Variants in SLC35F3 observed in about 807,000 individuals in gnomAD.
The protein encoded by SLC35F3 is solute carrier family 35 member F3, also known as putative thiamine transporter SLC35F3.
SLC35F3 carries 25 observed loss-of-function variants against 49.9 expected under a neutral mutation model. The observed-to-expected ratio is 0.50, with a 90% CI of 0.37 to 0.70. SLC35F3 has a LOEUF of 0.70. Among genes scored for constraint, SLC35F3 ranks in the 30% least tolerant of loss-of-function variants. The pLI is 0.00. For synonymous variants in SLC35F3, 275 were observed against 265.4 expected (o/e 1.04, Z -0.35); for missense variants, 525 against 639.8 (o/e 0.82, Z 1.94).
At chr1:234,249,575 G>A (rs1316188036) in intron 3 of SLC35F3, among the ~76,000 whole-genome samples, 1 of 152,180 alleles carries the variant, frequency 6.6e-6, no homozygotes, top group Non-Finnish European at 1.5e-5. Flanking sequence ...GTGGGTTGGG[G>A]CAGGGGTCCT....
At chr1:234,162,133 G>C (rs1378034672) in intron 2 of SLC35F3, among the ~76,000 whole-genome samples, 1 of 152,050 alleles carries the variant, frequency 6.6e-6, no homozygotes, top group African/African-American at 2.4e-5. Context: ...ACCCTCCTGA[G>C]ATGTGCTCCT....
chr1:234,156,207 C>T (rs1211017916), intron 2 of SLC35F3, among the ~76,000 whole-genome samples: 1 of 152,004 alleles, frequency 6.6e-6, no homozygotes, highest in East Asian at 1.9e-4. Context: ...TAATTTTTTC[C>T]ACATTGGATT....
At chr1:234,202,361 G>T (rs996170199) in intron 2 of SLC35F3, among the ~76,000 whole-genome samples, 1 of 152,204 alleles carries the variant, frequency 6.6e-6, no homozygotes, top group Non-Finnish European at 1.5e-5. Flanking sequence ...AAAGTTGAGA[G>T]ACAAGGGGGA....
At chr1:233,993,469 A>G (rs1248277132) in intron 2 of SLC35F3, among the ~76,000 whole-genome samples, 1 of 152,198 alleles carries the variant, frequency 6.6e-6, no homozygotes, top group Non-Finnish European at 1.5e-5. Flanking sequence ...AGATTCATCA[A>G]AATTCTCTTT....
chr1:234,129,500 T>A (rs184734862), intron 2 of SLC35F3, among the ~76,000 whole-genome samples: 82 of 152,340 alleles, frequency 5.4e-4, no homozygotes, highest in African/African-American at 1.8e-3. Context: ...ACTCAACATT[T>A]AGATGTCACT....
chr1:234,129,511 T>C (rs1434484048), intron 2 of SLC35F3, among the ~76,000 whole-genome samples: 2 of 152,166 alleles, frequency 1.3e-5, no homozygotes, highest in South Asian at 2.1e-4. Flanking sequence ...AGATGTCACT[T>C]CCCCAACATT....
At chr1:234,221,393 G>A (rs914050769) in intron 2 of SLC35F3, among the ~76,000 whole-genome samples, 18 of 152,180 alleles carry the variant, frequency 1.2e-4, no homozygotes, top group African/African-American at 3.6e-4. Context: ...GCAGCATACC[G>A]GGGAGGAAGC....
At chr1:233,963,742 CAT>C (rs1031568887) in intron 2 of SLC35F3, among the ~76,000 whole-genome samples, 2 of 152,200 alleles carry the variant, frequency 1.3e-5, no homozygotes, top group Non-Finnish European at 2.9e-5. Context: ...AGGTGAAGGT[CAT>C]GTTTCATCTT....
At chr1:234,182,247 A>G (rs1424213484) in intron 2 of SLC35F3, among the ~76,000 whole-genome samples, 4 of 152,208 alleles carry the variant, frequency 2.6e-5, no homozygotes, top group Non-Finnish European at 4.4e-5. Flanking sequence ...GCAAGCTTCT[A>G]AAAGTTAGAT....
chr1:234,040,787 C>T (rs141664704), intron 2 of SLC35F3, among the ~76,000 whole-genome samples: 165 of 152,224 alleles, frequency 1.1e-3, no homozygotes, highest in African/African-American at 3.7e-3. Context: ...AAGGAGGGTC[C>T]GGCATCCTAG....
intron 2 of SLC35F3, among the ~76,000 whole-genome samples, chr1:233,993,719 A>C (rs561326829): frequency 1.3e-5 from 2 of 152,104 alleles, no homozygotes; most frequent in Non-Finnish European, 2.9e-5. Flanking sequence ...TATTCTCAAC[A>C]ACACCTGACC....
intron 2 of SLC35F3, among the ~76,000 whole-genome samples, chr1:234,081,942 A>C (rs1344949044): frequency 4.6e-5 from 3 of 65,918 alleles, no homozygotes; most frequent in Non-Finnish European, 7.7e-5. Context: ...TTTTTAGTAG[A>C]GACAGGGTTT....
chr1:233,972,733 C>A (rs762344237), intron 2 of SLC35F3, among the ~76,000 whole-genome samples: 18 of 152,310 alleles, frequency 1.2e-4, no homozygotes, highest in Admixed American at 7.8e-4. Context: ...TTTCTCTGTT[C>A]AAACATTACT....
intron 2 of SLC35F3, among the ~76,000 whole-genome samples, chr1:233,983,115 A>C (rs546322448): frequency 3.3e-4 from 51 of 152,316 alleles, no homozygotes; most frequent in African/African-American, 1.2e-3. Context: ...AAAGTGCACC[A>C]AGAACAATAA....
At chr1:234,117,998 T>G (rs1665519573) in intron 2 of SLC35F3, among the ~76,000 whole-genome samples, 1 of 148,556 alleles carries the variant, frequency 6.7e-6, no homozygotes, top group Non-Finnish European at 1.5e-5. Flanking sequence ...AACTGTGAGA[T>G]ACACAGAAAG....
At chr1:234,262,252 G>C (rs905183151) in intron 3 of SLC35F3, among the ~76,000 whole-genome samples, 5 of 152,210 alleles carry the variant, frequency 3.3e-5, no homozygotes, top group Non-Finnish European at 5.9e-5. Flanking sequence ...TGGACTAGCA[G>C]GGGGAGAGCC....
At chr1:234,155,469 G>A (rs1207547831) in intron 2 of SLC35F3, among the ~76,000 whole-genome samples, 1 of 151,834 alleles carries the variant, frequency 6.6e-6, no homozygotes, top group Non-Finnish European at 1.5e-5. Flanking sequence ...CAGTACAGTG[G>A]CACAATCTTG....
intron 2 of SLC35F3, among the ~76,000 whole-genome samples, chr1:234,139,152 A>G (rs1388609463): frequency 2.0e-5 from 3 of 152,326 alleles, no homozygotes; most frequent in African/African-American, 7.2e-5. Context: ...TCCTTCTAAC[A>G]ACCCTATATG....
At chr1:234,289,868 A>G (rs534712615) in intron 3 of SLC35F3, among the ~76,000 whole-genome samples, 1 of 152,362 alleles carries the variant, frequency 6.6e-6, no homozygotes, top group East Asian at 1.9e-4. Flanking sequence ...CCAAAACATT[A>G]TGAAAGAGAA....
Sources: allele counts gnomAD v4.1 joint callset (sites outside exome capture counted in the v4.1 genomes callset), GRCh38; gene constraint gnomAD v4.1.1; transcripts MANE v1.5; gene names NCBI Gene and HGNC (gene_info 2026-07-23, HGNC 2026-07-21).